ERC2: variants seen among roughly 807,000 people sequenced by gnomAD.
ERC2 encodes the protein ERC protein 2.
In ERC2, 42 loss-of-function variants were observed where a neutral mutation model predicts 114.8. The ratio of observed to expected loss-of-function variants is 0.37; its 90% CI spans 0.29 to 0.47. The LOEUF (loss-of-function observed/expected upper bound fraction) is 0.47, where lower values mean the gene tolerates loss of function less well. Among genes scored for constraint, ERC2 ranks in the 20% least tolerant of loss-of-function variants. ERC2 has a pLI of 0.99. For synonymous variants in ERC2, 454 were observed against 425.5 expected, an observed-to-expected ratio of 1.07 and a Z score of -0.82; for missense variants, 939 against 1,150.7, an observed-to-expected ratio of 0.82 and a Z score of 2.66.
chr3:55,573,427 T>C (rs2056823287), intron 17 of ERC2, among the ~76,000 whole-genome samples: 2 of 152,166 alleles, frequency 1.3e-5, no homozygotes, highest in African/African-American at 4.8e-5. Context: ...TTTTTTTGCA[T>C]GCCTCTCCAT....
At chr3:55,839,532 A>G (rs542804105) in intron 14 of ERC2, among the ~76,000 whole-genome samples, 31 of 152,072 alleles carry the variant, frequency 2.0e-4, no homozygotes, top group Non-Finnish European at 3.5e-4. Flanking sequence ...AATACAATAT[A>G]TTACAGCAAA....
rs181679135 is a variant in ERC2, at chr3:56,061,632, A to G, written c.1641+19185T>C. ...AAAAATATATAAACCACACAGAAAC[A>G]TACAACAAATGTTTGGACTATGAAT... On this transcript the variant is annotated intron_variant, in intron 7 of 17. Coordinates refer to ENST00000288221, the MANE Select transcript of ERC2 (RefSeq NM_015576.3). 1.4e-4 allele frequency among the ~76,000 whole-genome samples: 21 copies of G among 152,344 alleles called. No individual in the cohort carries two copies. In the East Asian group the frequency reaches 3.5e-3, roughly 25 times the overall value.
chr3:56,258,579 G>A (rs558463806), intron 3 of ERC2, among the ~76,000 whole-genome samples: 45 of 152,292 alleles, frequency 3.0e-4, no homozygotes, highest in African/African-American at 9.4e-4. Context: ...GCGTGAACCC[G>A]GGAGGCGGAG....
intron 3 of ERC2, among the ~76,000 whole-genome samples, chr3:56,191,810 T>G (rs1398169617): frequency 1.3e-5 from 2 of 152,018 alleles, no homozygotes; most frequent in Admixed American, 1.3e-4. Context: ...TCTATTACAT[T>G]CCCTTCAGTC....
In ERC2 at chr3:56,301,756, T is replaced by C. The variant is rs551071755; in HGVS notation, c.658-5321A>G. Among the ~76,000 whole-genome samples the C allele has an allele frequency of 3.3e-5, 5 of 152,204 alleles. No individual in the cohort carries two copies. In the South Asian group the frequency reaches 8.3e-4, roughly 25 times the overall value. ...CAGATTTTCAGTTATGTATTTAACA[T>C]AGACAATTTCAATTATAAAATATAA... is the stretch of plus-strand genomic sequence containing the variant. On this transcript the variant is annotated intron_variant, in intron 2 of 17. Coordinates refer to ENST00000288221, the MANE Select transcript of ERC2 (RefSeq NM_015576.3).
At position 56,128,845 on chromosome 3, in the gene ERC2, T is replaced by C. The variant is rs2080039082; in HGVS notation, c.1473+10664A>G. Among the ~76,000 whole-genome samples the C allele has an allele frequency of 2.0e-5, 3 of 152,188 alleles. No homozygotes were observed. The South Asian group carries it at 6.2e-4, about 32-fold the overall frequency. Reference sequence around the variant, plus strand: ...GTAAATGAGGAGTTGGATCTTCTCTTTTCCTTCACATTTGACCAGATCTTA... The same window carrying C: ...GTAAATGAGGAGTTGGATCTTCTCTCTTCCTTCACATTTGACCAGATCTTA... On this transcript the variant is annotated intron_variant, in intron 6 of 17. Transcript: ENST00000288221.
At chr3:56,037,624 A>G (rs1385666807) in intron 7 of ERC2, among the ~76,000 whole-genome samples, 1 of 152,248 alleles carries the variant, frequency 6.6e-6, no homozygotes, top group Non-Finnish European at 1.5e-5. Flanking sequence ...GTTGGAAAAC[A>G]TACTTCAGGA....
At chr3:56,446,887 A>C (rs1251418876) in intron 1 of ERC2, among the ~76,000 whole-genome samples, 1 of 151,728 alleles carries the variant, frequency 6.6e-6, no homozygotes, top group Non-Finnish European at 1.5e-5. Flanking sequence ...TCAGCCTCCC[A>C]AAGTGCTGGG....
At chr3:55,674,206 C>T (rs1306126538) in intron 17 of ERC2, among the ~76,000 whole-genome samples, 1 of 152,156 alleles carries the variant, frequency 6.6e-6, no homozygotes, top group South Asian at 2.1e-4. Flanking sequence ...CAAAAACAGT[C>T]TTAGCTACCT....
At chr3:55,951,536 A>G (rs2067507493) in intron 12 of ERC2, among the ~76,000 whole-genome samples, 1 of 152,218 alleles carries the variant, frequency 6.6e-6, no homozygotes, top group Non-Finnish European at 1.5e-5. Flanking sequence ...CTATTGCACC[A>G]GCAGCTTTTA....
chr3:56,430,751 T>G (rs1238671055), intron 2 of ERC2, among the ~76,000 whole-genome samples: 2 of 152,176 alleles, frequency 1.3e-5, no homozygotes. Flanking sequence ...ATCGCACCAC[T>G]GCACTCCAGC....
At chr3:56,237,378 T>TA (rs1576007640) in intron 3 of ERC2, among the ~76,000 whole-genome samples, 1 of 152,176 alleles carries the variant, frequency 6.6e-6, no homozygotes, top group Admixed American at 6.5e-5. Context: ...GCAACTCTGT[T>TA]AAAAAAATTA....
At chr3:56,436,446 C>G (rs539124097) in intron 1 of ERC2, among the ~76,000 whole-genome samples, 65 of 152,282 alleles carry the variant, frequency 4.3e-4, no homozygotes, top group African/African-American at 1.5e-3. Flanking sequence ...ACATGGGTAT[C>G]TTTTATTTTC....
rs767117758 is a variant in ERC2 at position 56,149,107 on chromosome 3, C to T, written c.1175G>A (p.Arg392Gln). 1.1e-5 allele frequency: 18 copies of T among 1,609,638 alleles called. No homozygotes were observed. The highest frequency in any genetic ancestry group is 7.8e-5 in the South Asian group (7 of 89,960). ...CTCATCCTCAAGATCCCTTATGTTT[C>T]GTTCCAATGAAGCGATTTTTGTGTC... ...MKDTKIASLE[R>Q]NIRDLEDEIQ... The change falls in exon 5 of 18, where the codon CGA (arginine) becomes CAA (glutamine). Residue 392 changes from arginine to glutamine, a missense_variant. Coordinates refer to ENST00000288221, the MANE Select transcript of ERC2 (RefSeq NM_015576.3).
intron 6 of ERC2, among the ~76,000 whole-genome samples, chr3:56,113,526 G>C (rs999634600): frequency 2.0e-5 from 3 of 152,160 alleles, no homozygotes; most frequent in African/African-American, 7.2e-5. Flanking sequence ...TGTTCTCTAG[G>C]AATGTAGAAT....
intron 2 of ERC2, among the ~76,000 whole-genome samples, chr3:56,318,885 C>G (rs550364595): frequency 3.3e-5 from 5 of 150,046 alleles, no homozygotes; most frequent in Non-Finnish European, 7.4e-5. Flanking sequence ...TTTGCTTGAG[C>G]CTAGGAGTCA....
intron 2 of ERC2, among the ~76,000 whole-genome samples, chr3:56,326,276 G>A (rs1343958210): frequency 2.6e-5 from 4 of 152,176 alleles, no homozygotes; most frequent in Admixed American, 6.5e-5. Flanking sequence ...GGAAGAGTGC[G>A]GAAAGCAGAT....
intron 3 of ERC2, among the ~76,000 whole-genome samples, chr3:56,258,976 A>ATTTT (rs36089023): frequency 1.4e-5 from 2 of 144,194 alleles, no homozygotes; most frequent in Admixed American, 6.9e-5. Context: ...TAATTAATTA[A>ATTTT]TTTTTTTTTT....
At chr3:56,395,533 G>A (rs543030764) in intron 2 of ERC2, among the ~76,000 whole-genome samples, 4 of 152,154 alleles carry the variant, frequency 2.6e-5, no homozygotes, top group South Asian at 2.1e-4. Flanking sequence ...TGCTGTCTTC[G>A]CAATAGTGAG....
Sources: gnomAD v4.1 joint callset for allele counts (sites outside exome capture counted in the v4.1 genomes callset) on GRCh38, gnomAD v4.1.1 for gene constraint, MANE v1.5 for transcripts, NCBI Gene and HGNC (gene_info 2026-07-23, HGNC 2026-07-21) for gene names.